CACNG2: variants seen among roughly 807,000 people sequenced by gnomAD.
The protein encoded by CACNG2 is voltage-dependent calcium channel gamma-2 subunit.
CACNG2 carries 3 observed loss-of-function variants against 25.9 expected under a neutral mutation model. That is an observed-to-expected ratio of 0.12 (90% CI 0.05 to 0.30). The LOEUF (loss-of-function observed/expected upper bound fraction) is 0.30, where lower values mean the gene tolerates loss of function less well. CACNG2 is among the 10% of genes least tolerant of loss of function. CACNG2 has a pLI of 1.00. For missense variants in CACNG2, 341 were observed against 432.5 expected (o/e 0.79, Z 1.88); for synonymous variants, 167 against 173.3 (o/e 0.96, Z 0.29).
chr22:36,681,391 G>A (rs778984401), intron 1 of CACNG2, among the ~76,000 whole-genome samples: 2 of 152,126 alleles, frequency 1.3e-5, no homozygotes, highest in South Asian at 2.1e-4. Flanking sequence ...ATTCAGAGTC[G>A]AAAGTTTTTA....
chr22:36,644,484 A>G (rs1195821538), intron 1 of CACNG2, among the ~76,000 whole-genome samples: 1 of 152,196 alleles, frequency 6.6e-6, no homozygotes, highest in Non-Finnish European at 1.5e-5. Context: ...GCTTCTTGCC[A>G]CTGACTCACC....
intron 1 of CACNG2, among the ~76,000 whole-genome samples, chr22:36,674,413 C>G (rs189290397): frequency 1.8e-4 from 27 of 152,356 alleles, no homozygotes; most frequent in African/African-American, 2.4e-4. Flanking sequence ...ACTGCAACCT[C>G]TACCTCTTGG....
At chr22:36,641,720 T>C (rs936272408) in intron 1 of CACNG2, among the ~76,000 whole-genome samples, 1 of 152,188 alleles carries the variant, frequency 6.6e-6, no homozygotes, top group African/African-American at 2.4e-5. Flanking sequence ...AGAATTTAGA[T>C]GTGGTATTTG....
intron 1 of CACNG2, among the ~76,000 whole-genome samples, chr22:36,610,693 C>T (rs1454415546): frequency 6.6e-6 from 1 of 152,096 alleles, no homozygotes; most frequent in East Asian, 1.9e-4. Context: ...ACCACAATCC[C>T]CAGGAGGAAT....
chr22:36,676,958 G>GTGTA (rs1937028144), intron 1 of CACNG2, among the ~76,000 whole-genome samples: 1 of 151,202 alleles, frequency 6.6e-6, no homozygotes, highest in Non-Finnish European at 1.5e-5. Context: ...GTGTGTGTGT[G>GTGTA]TGTGTGTGTG....
At chr22:36,586,693 G>A (rs1398377542) in intron 2 of CACNG2, among the ~76,000 whole-genome samples, 3 of 151,700 alleles carry the variant, frequency 2.0e-5, no homozygotes, top group East Asian at 1.9e-4. Context: ...CTCCTGGGAG[G>A]AGAGCAAACC....
intron 1 of CACNG2, among the ~76,000 whole-genome samples, chr22:36,679,197 C>CTTTCTTTCTTTCTTTCTTTCTTT (rs1937060219): frequency 8.9e-4 from 49 of 54,824 alleles, no homozygotes; most frequent in African/African-American, 3.2e-3. Context: ...TTCCTTCCTT[C>CTTTCTTTCTTTCTTTCTTTCTTT]CTTTCTTTCT....
In CACNG2 at chr22:36,649,240, G is replaced by A. The variant is rs183384410; in HGVS notation, c.211+53126C>T. Among the ~76,000 whole-genome samples, 6 of 152,230 alleles carry A rather than the reference G, an allele frequency of 3.9e-5. No homozygotes were observed. The East Asian group carries it at 9.7e-4, about 25-fold the overall frequency. On this transcript the variant is annotated intron_variant, in intron 1 of 3. Transcript: ENST00000300105. Reference sequence around the variant, plus strand: ...GACCAGAAAGCTCAGAGTCACCCTCGACTCTTCTTGCTAATTCACATCCTG... The same window carrying A: ...GACCAGAAAGCTCAGAGTCACCCTCAACTCTTCTTGCTAATTCACATCCTG...
intron 1 of CACNG2, among the ~76,000 whole-genome samples, chr22:36,654,309 C>T (rs1445560605): frequency 2.0e-5 from 3 of 152,004 alleles, no homozygotes; most frequent in South Asian, 2.1e-4. Context: ...ACTCTCACCC[C>T]GGCTGGAGTG....
chr22:36,576,579 T>C (rs1935317810), intron 2 of CACNG2, among the ~76,000 whole-genome samples: 1 of 149,972 alleles, frequency 6.7e-6, no homozygotes, highest in Non-Finnish European at 1.5e-5. Context: ...TGTGCGTGTG[T>C]GTGTGTGTGT....
At chr22:36,663,750 G>A (rs548219738) in intron 1 of CACNG2, among the ~76,000 whole-genome samples, 2 of 152,176 alleles carry the variant, frequency 1.3e-5, no homozygotes, top group Non-Finnish European at 2.9e-5. Flanking sequence ...TAGCAGGACC[G>A]CGTCATGGGG....
chr22:36,682,538 G>T (rs1937138718), intron 1 of CACNG2, among the ~76,000 whole-genome samples: 1 of 128,890 alleles, frequency 7.8e-6, no homozygotes, highest in African/African-American at 3.0e-5. Context: ...TTCAAATTTA[G>T]ATATGCTGGC....
At chr22:36,577,538 T>C (rs1935342225) in intron 2 of CACNG2, among the ~76,000 whole-genome samples, 3 of 151,330 alleles carry the variant, frequency 2.0e-5, no homozygotes, top group Admixed American at 2.0e-4. Flanking sequence ...TAGTCCCACC[T>C]ACTTGGGAGG....
At chr22:36,573,446 T>A (rs1370086716) in intron 2 of CACNG2, among the ~76,000 whole-genome samples, 2 of 152,204 alleles carry the variant, frequency 1.3e-5, no homozygotes, top group East Asian at 3.8e-4. Flanking sequence ...TTCTTGTGTC[T>A]CAGCCTCCCA....
chr22:36,636,106 G>C (rs1936353364), intron 1 of CACNG2, among the ~76,000 whole-genome samples: 1 of 152,028 alleles, frequency 6.6e-6, no homozygotes, highest in Admixed American at 6.6e-5. Flanking sequence ...ACTCTTCAAT[G>C]ACTTCCCACA....
chr22:36,634,172 A>G (rs895786731), intron 1 of CACNG2, among the ~76,000 whole-genome samples: 1 of 152,216 alleles, frequency 6.6e-6, no homozygotes, highest in Non-Finnish European at 1.5e-5. Flanking sequence ...GAACCACCTA[A>G]GGCTGTTTTC....
intron 1 of CACNG2, among the ~76,000 whole-genome samples, chr22:36,695,226 A>G (rs1192695294): frequency 6.9e-6 from 1 of 145,294 alleles, no homozygotes; most frequent in East Asian, 1.9e-4. Flanking sequence ...TTAAAAAAAG[A>G]AAGAAAGAAA....
intron 1 of CACNG2, among the ~76,000 whole-genome samples, chr22:36,592,158 T>A (rs1935605745): frequency 2.7e-5 from 4 of 147,232 alleles, no homozygotes; most frequent in African/African-American, 7.6e-5. Flanking sequence ...TGGGAGGGAT[T>A]ATGAGGATGG....
intron 1 of CACNG2, among the ~76,000 whole-genome samples, chr22:36,622,953 C>T (rs1936127817): frequency 6.7e-6 from 1 of 148,820 alleles, no homozygotes; most frequent in South Asian, 2.1e-4. Context: ...GAGCAAAACT[C>T]CGTTTAAAAA....
Sources: allele counts gnomAD v4.1 joint callset (sites outside exome capture counted in the v4.1 genomes callset), GRCh38; gene constraint gnomAD v4.1.1; transcripts MANE v1.5; gene names NCBI Gene and HGNC (gene_info 2026-07-23, HGNC 2026-07-21).